The following EEF2K variants were observed in gnomAD, a reference collection of about 807,000 sequenced individuals.
EEF2K encodes eukaryotic elongation factor 2 kinase.
EEF2K carries 70 observed loss-of-function variants against 93.8 expected under a neutral mutation model. The observed-to-expected ratio is 0.75, with a 90% CI of 0.62 to 0.91. The LOEUF (loss-of-function observed/expected upper bound fraction) is 0.91, where lower values mean the gene tolerates loss of function less well. EEF2K is among the 40% of genes least tolerant of loss of function. The probability of loss-of-function intolerance (pLI) is 0.00; values close to 1 mark genes in which losing one functional copy is unlikely to be tolerated. For missense variants in EEF2K, 935 were observed against 972.9 expected (o/e 0.96, Z 0.52); for synonymous variants, 376 against 380.8 (o/e 0.99, Z 0.15).
chr16:22,224,735 C>T (rs921879924), intron 1 of EEF2K, among the ~76,000 whole-genome samples: 5 of 151,930 alleles, frequency 3.3e-5, no homozygotes, highest in Admixed American at 1.3e-4. Context: ...GGAGGATCAC[C>T]TGGGGTCAGA....
At chr16:22,264,934 T>G (rs1002029984) in intron 13 of EEF2K, 54 bp downstream of exon 13, 1 of 1,596,014 alleles carries the variant, frequency 6.3e-7, no homozygotes, top group African/African-American at 1.3e-5. Flanking sequence ...TCCTCCAGGC[T>G]CTGTTGCTGT....
chr16:22,225,629 T>A, intron 1 of EEF2K, 25 bp from the exon 2 acceptor site: 1 of 1,527,722 alleles, frequency 6.5e-7, no homozygotes, highest in Non-Finnish European at 8.8e-7. Context: ...CAGCACCCAC[T>A]CTCTGGCCCT....
chr16:22,253,871 G>A (rs1355979411), intron 6 of EEF2K, among the ~76,000 whole-genome samples: 1 of 151,938 alleles, frequency 6.6e-6, no homozygotes, highest in Non-Finnish European at 1.5e-5. Flanking sequence ...GGCTGAAGTG[G>A]GCGGATCACC....
At chr16:22,241,517 C>G (rs938507330) in intron 2 of EEF2K, among the ~76,000 whole-genome samples, 1 of 151,426 alleles carries the variant, frequency 6.6e-6, no homozygotes, top group Non-Finnish European at 1.5e-5. Context: ...TGTTGGCTCA[C>G]GCCTGTAATC....
chr16:22,225,820 A>G lies in EEF2K; in HGVS notation c.91A>G (p.Ser31Gly). The G allele has an allele frequency of 2.5e-6, 4 of 1,614,272 alleles. No homozygotes were observed. Among genetic ancestry groups the G allele is most frequent in the Admixed American group, 1.7e-5 (1 of 60,032 alleles). ...CCATGATGGTGATTCTGATGGGGACAGCGACGATGAGGAAGGTTACTTCAT... is the reference window on the plus strand; with the variant it reads ...CCATGATGGTGATTCTGATGGGGACGGCGACGATGAGGAAGGTTACTTCAT... ...AGHDGDSDGD[S>G]DDEEGYFICP... Residue 31 changes from serine to glycine, a missense_variant, in exon 2 of 18, where the codon AGC (serine) becomes GGC (glycine). Physicochemically the swap from Ser to Gly is moderately conservative, Grantham distance 56 (BLOSUM62 0). Coordinates refer to ENST00000263026, the MANE Select transcript of EEF2K (RefSeq NM_013302.5).
At chr16:22,209,529 C>G (rs1486029871) in intron 1 of EEF2K, among the ~76,000 whole-genome samples, 2 of 152,186 alleles carry the variant, frequency 1.3e-5, no homozygotes, top group East Asian at 1.9e-4. Context: ...ACACCTGAAG[C>G]AGAACAACTG....
chr16:22,273,630 CAG>C lies in EEF2K; in HGVS notation c.1771_1772del (p.Glu591ArgfsTer8). 1.2e-6 allele frequency: 2 copies of C among 1,614,082 alleles called. No homozygotes were observed. Among genetic ancestry groups the C allele is most frequent in the Non-Finnish European group, 1.7e-6 (2 of 1,179,988 alleles). Reference sequence around the variant, plus strand: ...CTCTTTGGTTTGTATCAACAGGAGACAGAAGAGAACAAAACCAAAGGATTTGA... The same window carrying C: ...CTCTTTGGTTTGTATCAACAGGAGACAAGAGAACAAAACCAAAGGATTTGA... On this transcript the variant is annotated frameshift_variant, in exon 16 of 18. Coordinates refer to ENST00000263026, the MANE Select transcript of EEF2K (RefSeq NM_013302.5). LOFTEE classifies it high-confidence loss of function.
intron 1 of EEF2K, among the ~76,000 whole-genome samples, chr16:22,211,331 T>C (rs1449784192): frequency 2.0e-5 from 3 of 152,332 alleles, no homozygotes; most frequent in Middle Eastern, 3.4e-3. Context: ...GATCTGGTTT[T>C]GGTGCTTATC....
At chr16:22,245,930 A>G (rs992861849) in intron 3 of EEF2K, among the ~76,000 whole-genome samples, 7 of 152,160 alleles carry the variant, frequency 4.6e-5, no homozygotes, top group Admixed American at 6.5e-5. Context: ...CTGTTCCTCT[A>G]ATTGAAGGAA....
intron 15 of EEF2K, among the ~76,000 whole-genome samples, chr16:22,270,930 A>T (rs558911627): frequency 8.0e-5 from 12 of 149,602 alleles, no homozygotes; most frequent in African/African-American, 2.9e-4. Flanking sequence ...ATGTGTGTAT[A>T]TATGTGTGTG....
intron 1 of EEF2K, among the ~76,000 whole-genome samples, chr16:22,217,990 G>T (rs1567259285): frequency 6.6e-6 from 1 of 152,136 alleles, no homozygotes; most frequent in Admixed American, 6.6e-5. Context: ...GCTTTGTTCT[G>T]TGTTGGCCTC....
At chr16:22,273,868 A>C in intron 16 of EEF2K, 118 bp downstream of exon 16, 1 of 1,424,360 alleles carries the variant, frequency 7.0e-7, no homozygotes, top group Admixed American at 2.6e-5. Flanking sequence ...CCAGTCCAGC[A>C]ACCATGGGCA....
At chr16:22,255,875 A>C (rs8043807) in intron 6 of EEF2K, among the ~76,000 whole-genome samples, 2 of 151,606 alleles carry the variant, frequency 1.3e-5, no homozygotes, top group Admixed American at 1.3e-4. Context: ...ATGACACTGC[A>C]CTCCAGCCTG....
At chr16:22,226,754 G>A (rs941596068) in intron 2 of EEF2K, among the ~76,000 whole-genome samples, 1 of 151,994 alleles carries the variant, frequency 6.6e-6, no homozygotes, top group Admixed American at 6.6e-5. Flanking sequence ...GCCACTTGTT[G>A]TTAATTTTTT....
Position 22,251,286 on chromosome 16 carries a change from G to C in EEF2K, c.582G>C (p.Trp194Cys), listed in dbSNP as rs376970159. 6 of 1,614,030 alleles carry C rather than the reference G, an allele frequency of 3.7e-6. No homozygotes were observed. The highest frequency in any genetic ancestry group is 4.5e-5 in the East Asian group (2 of 44,886). The change falls in exon 6 of 18, where the codon TGG becomes TGC. Residue 194 changes from tryptophan (W) to cysteine (C), a missense_variant. Trp to Cys is a radical substitution (Grantham distance 215). Transcript: ENST00000263026. ...GTCTACAGATGGAGGCCAAGCTCTG[G>C]GGGGAGGAGTATAATCGGCACAAGC... ...DVRLQMEAKLWGEEYNRHKPP... is the reference protein window; with the variant it reads ...DVRLQMEAKLCGEEYNRHKPP...
Position 22,258,448 on chromosome 16 carries a change from C to A in EEF2K, c.1030-46C>A, listed in dbSNP as rs781460960. The A allele has an allele frequency of 1.9e-5, 30 of 1,597,118 alleles. 1 individual carries two copies. In the Middle Eastern group the frequency reaches 6.7e-4, roughly 35 times the overall value. On this transcript the variant is annotated intron_variant, in intron 9 of 17. Transcript: ENST00000263026. ...AACAACAGGAAGAGCCCTTTAATTC[C>A]CAGAGGGTGTGTGCGTGACATGAGT...
chr16:22,280,252 G>A lies in EEF2K; in HGVS notation c.1944G>A (p.Thr648=), dbSNP rs778531896. 21 of 1,602,708 alleles carry A rather than the reference G, an allele frequency of 1.3e-5. No homozygotes were observed. Among genetic ancestry groups the A allele is most frequent in the Admixed American group, 3.4e-5 (2 of 58,428 alleles). ...GGTACAACACTGCCCTGGAGATGAC[G>A]GACTGTGATGAGGGCGGTGAGTACG... ...LHWYNTALEM[T]DCDEGGEYDG... The change falls in exon 17 of 18, where the codon ACG becomes ACA. Residue 648 remains threonine, a synonymous_variant. Coordinates refer to ENST00000263026, the MANE Select transcript of EEF2K (RefSeq NM_013302.5).
Position 22,237,617 on chromosome 16 carries a change from C to CAAA in EEF2K, c.247-7004_247-7002dup, listed in dbSNP as rs111738704. On this transcript the variant is annotated intron_variant, in intron 2 of 17. Coordinates refer to ENST00000263026, the MANE Select transcript of EEF2K (RefSeq NM_013302.5). ...TGCGCAACAGAGTGAAACCCTGTCT[C>CAAA]AAAAAAAAAAAGAAAAGAAGAAAAC... is the stretch of plus-strand genomic sequence containing the variant. 2.5e-3 allele frequency among the ~76,000 whole-genome samples: 360 copies of CAAA among 145,082 alleles called. 1 individual carries two copies. Among genetic ancestry groups the CAAA allele is most frequent in the Middle Eastern group, 0.014 (4 of 284 alleles).
chr16:22,251,413 CTTCT>C, intron 6 of EEF2K, 91 bp downstream of exon 6: 9 of 1,367,324 alleles, frequency 6.6e-6, no homozygotes, highest in Non-Finnish European at 8.8e-6. Flanking sequence ...CCTATTTCAC[CTTCT>C]TTTTTTTTTT....
Sources: gnomAD v4.1 joint callset for allele counts (sites outside exome capture counted in the v4.1 genomes callset) on GRCh38, gnomAD v4.1.1 for gene constraint, MANE v1.5 for transcripts, NCBI Gene and HGNC (gene_info 2026-07-23, HGNC 2026-07-21) for gene names.